Variants in WFIKKN1 observed in about 807,000 individuals in gnomAD.
WFIKKN1 encodes the protein WAP, Kazal, immunoglobulin, Kunitz and NTR domain-containing protein 1.
In WFIKKN1, 6 loss-of-function variants were observed where a neutral mutation model predicts 4.6. The ratio of observed to expected loss-of-function variants is 1.31; its 90% CI spans 0.72 to 2.59. The LOEUF is 2.59. Ranked by LOEUF, WFIKKN1 falls within the 30% of genes most tolerant of loss-of-function variation. WFIKKN1 has a pLI of 0.00. For missense variants in WFIKKN1, 964 were observed against 818.0 expected, an observed-to-expected ratio of 1.18 and a Z score of -2.18; for synonymous variants, 468 against 367.4, an observed-to-expected ratio of 1.27 and a Z score of -3.13.
At position 633,166 on chromosome 16, in the gene WFIKKN1, C is replaced by G; in HGVS notation, c.756C>G (p.Asn252Lys). The G allele has an allele frequency of 6.3e-7, 1 of 1,599,052 alleles. No individual in the cohort carries two copies. Among genetic ancestry groups the G allele is most frequent in the Non-Finnish European group, 8.5e-7 (1 of 1,170,834 alleles). Residue 252 changes from asparagine (N) to lysine (K), a missense_variant, in exon 2 of 2, where the codon AAC becomes AAG. Transcript: ENST00000319070. Reference sequence around the variant, plus strand: ...GCATCGGGCAGCTGGTGCTCTACAACGCGCGGCCCGAAGACGCCGGCCTGT... The same window carrying G: ...GCATCGGGCAGCTGGTGCTCTACAAGGCGCGGCCCGAAGACGCCGGCCTGT... Reference protein sequence around the residue: ...VTSIGQLVLYNARPEDAGLYT... With the variant: ...VTSIGQLVLYKARPEDAGLYT...
Position 631,242 on chromosome 16 carries a change from T to C in WFIKKN1, c.-12T>C, listed in dbSNP as rs1229387497. ...TGGCCACACCCCCCGGCCCCCTGGC[T>C]CGGCGGCCCTCATGCCCGCCCTACG... On this transcript the variant is annotated 5_prime_UTR_variant, in exon 1 of 2. Coordinates refer to ENST00000319070, the MANE Select transcript of WFIKKN1 (RefSeq NM_053284.3). 1.3e-6 allele frequency: 2 copies of C among 1,546,478 alleles called. No individual in the cohort carries two copies. Among genetic ancestry groups the C allele is most frequent in the Middle Eastern group, 2.1e-4 (1 of 4,776 alleles).
At position 633,557 on chromosome 16, in the gene WFIKKN1, C is replaced by CAG. The variant is rs780386420; in HGVS notation, c.1148_1149dup (p.Cys384SerfsTer46). The stretch of plus-strand genomic sequence containing the variant: ...CTGGGCCTACAGCCCGCTGCTGCAG[C>CAG]AGTGCCATCCCTTCGTGTACGGTGG... On this transcript the variant is annotated frameshift_variant, in exon 2 of 2. Transcript: ENST00000319070. LOFTEE classifies it low-confidence loss of function (END_TRUNC). The CAG allele has an allele frequency of 6.5e-7, 1 of 1,547,178 alleles. No homozygotes were observed. The highest frequency in any genetic ancestry group is 8.7e-7 in the Non-Finnish European group (1 of 1,155,042).
chr16:633,857 A>C lies in WFIKKN1; in HGVS notation c.1447A>C (p.Ser483Arg), dbSNP rs200601222. ...CACCAAGTACCTGGAGGTGACGCTG[A>C]GTGGCATGGACTGGGCCTGCCCCTG... ...LGTKYLEVTL[S>R]GMDWACPCPN... The change falls in exon 2 of 2, where the codon AGT becomes CGT. Residue 483 changes from serine (S) to arginine (R), a missense_variant. Coordinates refer to ENST00000319070, the MANE Select transcript of WFIKKN1 (RefSeq NM_053284.3). The C allele has an allele frequency of 6.3e-7, 1 of 1,597,330 alleles. No homozygotes were observed. Among genetic ancestry groups the C allele is most frequent in the Non-Finnish European group, 8.5e-7 (1 of 1,172,718 alleles).
Position 633,598 on chromosome 16 carries a change from C to T in WFIKKN1, c.1188C>T (p.Gly396=), listed in dbSNP as rs1328577726. The change falls in exon 2 of 2, where the codon GGC becomes GGT. Residue 396 remains glycine, a synonymous_variant. Coordinates refer to ENST00000319070, the MANE Select transcript of WFIKKN1 (RefSeq NM_053284.3). ...PFVYGGCEGN[G]NNFHSRESCE... ...TGTACGGTGGCTGCGAGGGCAACGG[C>T]AACAACTTCCACAGCCGCGAGAGCT... 6.4e-7 allele frequency: 1 copy of T among 1,573,032 alleles called. No homozygotes were observed. Among genetic ancestry groups the T allele is most frequent in the Admixed American group, 1.8e-5 (1 of 55,664 alleles).
intron 1 of WFIKKN1, 137 bp downstream of exon 1, chr16:631,561 C>T (rs2151085993): frequency 9.2e-7 from 1 of 1,087,714 alleles, no homozygotes; most frequent in East Asian, 3.1e-5. Flanking sequence ...GGCCCAGAGA[C>T]ACCCCCATCG....
In WFIKKN1 at chr16:632,870, A is replaced by G. The variant is rs775276803; in HGVS notation, c.460A>G (p.Ile154Val). 1 of 1,575,288 alleles carries G rather than the reference A, an allele frequency of 6.3e-7. No individual in the cohort carries two copies. Among genetic ancestry groups the G allele is most frequent in the South Asian group, 1.2e-5 (1 of 85,632 alleles). Residue 154 changes from isoleucine (I) to valine (V), a missense_variant, in exon 2 of 2, where the codon ATC becomes GTC. Transcript: ENST00000319070. ...EACLRGLHLH[I>V]VPCKHVLSWP... ...CTGCCTGCGGGGCCTGCACCTCCAC[A>G]TCGTGCCCTGCAAGCACGTGCTCAG...
intron 1 of WFIKKN1, chr16:631,791 TCCTCCCATCCAC>T (rs2036953627): frequency 3.3e-5 from 2 of 60,946 alleles, no homozygotes; most frequent in Non-Finnish European, 6.4e-5. Context: ...TCCCATCCAC[TCCTCCCATCCAC>T]TTCTTCCATC....
In WFIKKN1 at chr16:634,102, C is replaced by T. The variant is rs2036998644; in HGVS notation, c.*45C>T. On this transcript the variant is annotated 3_prime_UTR_variant, in exon 2 of 2. Coordinates refer to ENST00000319070, the MANE Select transcript of WFIKKN1 (RefSeq NM_053284.3). ...CACCCCGTCCTGGTGAATAAACGCA[C>T]TCCCTGTGCCTCAGACCTCCTGGCT... 2 of 1,484,734 alleles carry T rather than the reference C, an allele frequency of 1.3e-6. No individual in the cohort carries two copies. Among genetic ancestry groups the T allele is most frequent in the South Asian group, 1.4e-5 (1 of 72,320 alleles). The allele number at this position is 1,484,734 out of a possible 1,614,324, so 92.0% of individuals were successfully genotyped here.
Position 632,701 on chromosome 16 carries a change from G to A in WFIKKN1, c.291G>A (p.Val97=), listed in dbSNP as rs750110611. The A allele has an allele frequency of 3.1e-6, 5 of 1,609,728 alleles. No individual in the cohort carries two copies. The East Asian group carries it at 6.7e-5, about 22-fold the overall frequency. Residue 97 remains valine, a synonymous_variant, in exon 2 of 2, where the codon GTG becomes GTA. Transcript: ENST00000319070. ...PTTAASCEGF[V]CPQQGSDCDI... is the part of the protein sequence containing the mutation. ...CAGCGGCCTCCTGCGAGGGCTTTGT[G>A]TGCCCACAGCAGGGCTCGGACTGCG...
chr16:631,576 C>G, intron 1 of WFIKKN1, 152 bp downstream of exon 1: 1 of 936,504 alleles, frequency 1.1e-6, no homozygotes, highest in Non-Finnish European at 1.5e-6. Flanking sequence ...CCATCGTTGC[C>G]CTCATTTGTC....
rs376775633 is a variant in WFIKKN1 at position 633,723 on chromosome 16, T to C, written c.1313T>C (p.Val438Ala). The change falls in exon 2 of 2, where the codon GTG becomes GCG. Residue 438 changes from valine to alanine, a missense_variant. Physicochemically the swap from Val to Ala is moderately conservative, Grantham distance 64. Transcript: ENST00000319070. ...CTGTGCCGCAGCGACTTCGCCATCG[T>C]GGGGCGGCTCACGGAGGTGCTGGAG... Reference protein sequence around the residue: ...LSLCRSDFAIVGRLTEVLEEP... With the variant: ...LSLCRSDFAIAGRLTEVLEEP... The C allele has an allele frequency of 6.9e-6, 11 of 1,588,296 alleles. No individual in the cohort carries two copies. Among genetic ancestry groups the C allele is most frequent in the Non-Finnish European group, 9.4e-6 (11 of 1,167,758 alleles).
intron 1 of WFIKKN1, 86 bp from the exon 2 acceptor site, chr16:632,496 C>G: frequency 1.4e-6 from 2 of 1,386,712 alleles, no homozygotes; most frequent in Non-Finnish European, 1.9e-6. Context: ...CCTGCTACCC[C>G]ACCTGGGCCT....
rs1440586435 is a variant in WFIKKN1, at chr16:633,837, A to G, written c.1427A>G (p.Lys476Arg). Residue 476 changes from lysine to arginine, a missense_variant, in exon 2 of 2, where the codon AAG becomes AGG. Transcript: ENST00000319070. ...DKMGLKFLGTKYLEVTLSGMD... is the reference protein window; with the variant it reads ...DKMGLKFLGTRYLEVTLSGMD... ...ATGGGCCTCAAGTTCTTGGGCACCA[A>G]GTACCTGGAGGTGACGCTGAGTGGC... 12 of 1,601,016 alleles carry G rather than the reference A, an allele frequency of 7.5e-6. No homozygotes were observed. The highest frequency in any genetic ancestry group is 6.7e-5 in the South Asian group (6 of 89,242).
chr16:631,245 G>T lies in WFIKKN1; in HGVS notation c.-9G>T. On this transcript the variant is annotated 5_prime_UTR_variant, in exon 1 of 2. Transcript: ENST00000319070. ...CCACACCCCCCGGCCCCCTGGCTCG[G>T]CGGCCCTCATGCCCGCCCTACGTCC... 2 of 1,548,172 alleles carry T rather than the reference G, an allele frequency of 1.3e-6. No individual in the cohort carries two copies. The highest frequency in any genetic ancestry group is 2.8e-5 in the African/African-American group (2 of 72,710).
chr16:632,650 C>A lies in WFIKKN1; in HGVS notation c.240C>A (p.Phe80Leu), dbSNP rs2036965044. Residue 80 changes from phenylalanine (F) to leucine (L), a missense_variant, in exon 2 of 2, where the codon TTC becomes TTA. Transcript: ENST00000319070. ...CGLHSCVAARFPGSPAAPTTA... is the reference protein window; with the variant it reads ...CGLHSCVAARLPGSPAAPTTA... ...TGCACAGCTGCGTGGCAGCACGCTT[C>A]CCCGGCAGCCCAGCTGCGCCGACGA... The A allele has an allele frequency of 6.2e-7, 1 of 1,600,620 alleles. No individual in the cohort carries two copies. The highest frequency in any genetic ancestry group is 1.7e-5 in the Admixed American group (1 of 58,720).
chr16:631,407 G>T lies in WFIKKN1; in HGVS notation c.154G>T (p.Glu52Ter), dbSNP rs775302766. The T allele has an allele frequency of 1.2e-6, 2 of 1,609,116 alleles. No individual in the cohort carries two copies. Among genetic ancestry groups the T allele is most frequent in the East Asian group, 2.2e-5 (1 of 44,754 alleles). ...GGACGCCCAGAGCACCTGTGAGCGC[G>T]AGTGTAGCAGGGACCAGGTGAGTGT... Reference protein sequence around the residue: ...WVDAQSTCERECSRDQDCAAA... With the variant: ...WVDAQSTCER Residue 52 changes from glutamate to a stop codon, truncating the protein, a stop_gained, in exon 1 of 2, where the codon GAG becomes TAG. Coordinates refer to ENST00000319070, the MANE Select transcript of WFIKKN1 (RefSeq NM_053284.3). LOFTEE classifies it low-confidence loss of function (END_TRUNC).
rs758982581 is a variant in WFIKKN1 at position 632,761 on chromosome 16, C to T, written c.351C>T (p.Arg117=). Residue 117 remains arginine (R), a synonymous_variant, in exon 2 of 2, where the codon CGC becomes CGT. Transcript: ENST00000319070. ...ACGGGCAGCCCGTGTGCCGCTGCCG[C>T]GACCGCTGTGAGAAGGAGCCCAGCT... ...IWDGQPVCRC[R]DRCEKEPSFT... 1.4e-5 allele frequency: 22 copies of T among 1,608,032 alleles called. No individual in the cohort carries two copies. The highest frequency in any genetic ancestry group is 3.4e-5 in the Admixed American group (2 of 59,434).
rs527332526 is a variant in WFIKKN1, at chr16:633,445, G to A, written c.1035G>A (p.Glu345=). The A allele has an allele frequency of 9.7e-6, 15 of 1,544,764 alleles. No individual in the cohort carries two copies. The highest frequency in any genetic ancestry group is 7.7e-5 in the Admixed American group (4 of 51,784). ...DGAARGFETY[E]ACQQACARGP... ...CGGCCCGCGGCTTTGAGACCTACGA[G>A]GCATGCCAGCAGGCCTGTGCCCGCG... The change falls in exon 2 of 2, where the codon GAG becomes GAA. Residue 345 remains glutamate, a synonymous_variant. Transcript: ENST00000319070.
Position 633,775 on chromosome 16 carries a change from C to T in WFIKKN1, c.1365C>T (p.Ala455=), listed in dbSNP as rs2151087177. The change falls in exon 2 of 2, where the codon GCC becomes GCT. Residue 455 remains alanine, a synonymous_variant. Transcript: ENST00000319070. ...AGCCCGAGGCCGCCGGCGGCATCGC[C>T]CGCGTGGCGCTCGAGGACGTGCTCA... The part of the protein sequence containing the change: ...LEEPEAAGGI[A]RVALEDVLKD... 1 of 1,598,598 alleles carries T rather than the reference C, an allele frequency of 6.3e-7. No individual in the cohort carries two copies. The highest frequency in any genetic ancestry group is 8.5e-7 in the Non-Finnish European group (1 of 1,173,390).
Sources: allele counts gnomAD v4.1 joint callset, GRCh38; gene constraint gnomAD v4.1.1; transcripts MANE v1.5; gene names NCBI Gene and HGNC (gene_info 2026-07-23, HGNC 2026-07-21).